The following RUFY2 variants were observed in gnomAD, a reference collection of about 807,000 sequenced individuals.
RUFY2 encodes the protein RUN and FYVE domain containing 2, also known as RUN and FYVE domain-containing protein 2.
In RUFY2, 49 loss-of-function variants were observed where a neutral mutation model predicts 94.4. That is an observed-to-expected ratio of 0.52 (90% CI 0.41 to 0.66). The LOEUF is 0.66. RUFY2 is among the 30% of genes least tolerant of loss of function. The pLI, the probability that RUFY2 is intolerant of heterozygous loss-of-function variation, is 0.00. For missense variants in RUFY2, 541 were observed against 692.8 expected, an observed-to-expected ratio of 0.78 and a Z score of 2.46; for synonymous variants, 255 against 235.7, an observed-to-expected ratio of 1.08 and a Z score of -0.75.
chr10:68,368,070 A>C (rs1244037947), intron 13 of RUFY2, among the ~76,000 whole-genome samples: 26 of 151,604 alleles, frequency 1.7e-4, no homozygotes, highest in Non-Finnish European at 4.4e-5. Flanking sequence ...GGTTCAAGTA[A>C]TTCTCCTGCC....
chr10:68,362,846 C>T (rs918172371), intron 15 of RUFY2, among the ~76,000 whole-genome samples: 14 of 151,998 alleles, frequency 9.2e-5, no homozygotes, highest in South Asian at 4.2e-4. Flanking sequence ...TTTACAGGAT[C>T]CCAGTGACAT....
intron 3 of RUFY2, among the ~76,000 whole-genome samples, chr10:68,400,493 G>A (rs977485439): frequency 3.3e-5 from 5 of 150,482 alleles, no homozygotes; most frequent in Non-Finnish European, 1.5e-5. Flanking sequence ...TGGCTAACAT[G>A]GTGAAACCCC....
intron 13 of RUFY2, among the ~76,000 whole-genome samples, chr10:68,368,830 T>C (rs1031705625): frequency 6.6e-6 from 1 of 152,078 alleles, no homozygotes; most frequent in African/African-American, 2.4e-5. Context: ...TAAATACTAA[T>C]GGGCATAGAC....
At chr10:68,378,284 T>C in intron 12 of RUFY2, 2 of 1,125,508 alleles carry the variant, frequency 1.8e-6, no homozygotes, top group Non-Finnish European at 2.2e-6. Flanking sequence ...CATCAAAAAG[T>C]AGCTAAAAAG....
intron 1 of RUFY2, 23 bp downstream of exon 1, chr10:68,407,163 C>G: frequency 6.8e-7 from 1 of 1,461,646 alleles, no homozygotes; most frequent in Non-Finnish European, 8.9e-7. Context: ...GCCTAGCGTT[C>G]GGTTTCGGCC....
intron 10 of RUFY2, among the ~76,000 whole-genome samples, chr10:68,382,591 A>G (rs1392927854): frequency 3.3e-5 from 5 of 150,962 alleles, no homozygotes; most frequent in Non-Finnish European, 7.4e-5. Context: ...GCGGGCGCCT[A>G]TAGTCCCAGC....
chr10:68,382,919 T>G (rs557799755), intron 10 of RUFY2, among the ~76,000 whole-genome samples: 24 of 152,322 alleles, frequency 1.6e-4, no homozygotes, highest in African/African-American at 5.8e-4. Flanking sequence ...AAGTTAATTT[T>G]AAATATGACT....
chr10:68,389,067 T>C (rs2132967338), intron 7 of RUFY2, among the ~76,000 whole-genome samples: 1 of 151,890 alleles, frequency 6.6e-6, no homozygotes, highest in African/African-American at 2.4e-5. Context: ...TAATTTTTTG[T>C]ACTGTTTTGG....
intron 16 of RUFY2, among the ~76,000 whole-genome samples, chr10:68,348,603 T>A (rs961336562): frequency 6.6e-6 from 1 of 151,978 alleles, no homozygotes; most frequent in South Asian, 2.1e-4. Flanking sequence ...CAAAGTGATT[T>A]GCCAAATGTC....
chr10:68,387,012 C>T (rs538691134), intron 7 of RUFY2, among the ~76,000 whole-genome samples: 2 of 152,234 alleles, frequency 1.3e-5, no homozygotes, highest in South Asian at 4.1e-4. Context: ...CAGATGAACA[C>T]ACTTTTTGCA....
chr10:68,386,252 A>T (rs1402186785), intron 7 of RUFY2, 124 bp from the exon 8 acceptor site: 2 of 609,986 alleles, frequency 3.3e-6, no homozygotes, highest in Admixed American at 6.8e-5. Flanking sequence ...CAAATTTCTG[A>T]GTGTGGAAAA....
Position 68,407,248 on chromosome 10 carries a change from T to A in RUFY2, c.-59A>T. ...TCCCTCGGCCTGTCCAGCAGCTCCT[T>A]CCAGGCGCTCGGCGGCCACCACCGC... On this transcript the variant is annotated 5_prime_UTR_variant, in exon 1 of 18. The change creates a premature stop within an existing upstream ORF in the 5' untranslated region. Transcript: ENST00000602465. The A allele has an allele frequency of 7.9e-7, 1 of 1,265,474 alleles. No individual in the cohort carries two copies. Among genetic ancestry groups the A allele is most frequent in the Non-Finnish European group, 1.0e-6 (1 of 1,001,348 alleles). The allele number at this position is 1,265,474 out of a possible 1,614,324, so 78.4% of individuals were successfully genotyped here. A position where few individuals can be genotyped will look rare whatever the true frequency, so the allele number is the denominator to read the frequency against.
At chr10:68,393,976 A>C (rs1472321461) in intron 6 of RUFY2, 99 bp downstream of exon 6, 2 of 1,427,474 alleles carry the variant, frequency 1.4e-6, no homozygotes, top group African/African-American at 2.9e-5. Flanking sequence ...GGGGGAAAAC[A>C]ACAAAATAAA....
At chr10:68,369,454 C>G (rs2048093995) in intron 13 of RUFY2, among the ~76,000 whole-genome samples, 1 of 145,856 alleles carries the variant, frequency 6.9e-6, no homozygotes. Flanking sequence ...CACTGCACTA[C>G]AGCCTGGGCA....
chr10:68,384,332 T>TA (rs1423042935), intron 8 of RUFY2, among the ~76,000 whole-genome samples, 180 bp from the exon 9 acceptor site: 1 of 152,202 alleles, frequency 6.6e-6, no homozygotes, highest in African/African-American at 2.4e-5. Flanking sequence ...ATACCAATTT[T>TA]AAAAATTATA....
intron 7 of RUFY2, among the ~76,000 whole-genome samples, chr10:68,388,669 T>C (rs2049722083): frequency 6.6e-6 from 1 of 151,630 alleles, no homozygotes; most frequent in Admixed American, 6.6e-5. Flanking sequence ...ACCCCAGCTC[T>C]ATGAAAAATA....
chr10:68,365,594 C>T (rs1361588819), intron 13 of RUFY2, among the ~76,000 whole-genome samples: 1 of 152,156 alleles, frequency 6.6e-6, no homozygotes, highest in Admixed American at 6.6e-5. Flanking sequence ...TTAGCTTACT[C>T]GTTTTTATCC....
rs181752474 is a variant in RUFY2, at chr10:68,377,774, C to T, written c.1206-802G>A. ...AATATTTTTATAAGAAAATATTTACCAAGATTCAAAGGATATTAACTCCTT... is the reference window on the plus strand; with the variant it reads ...AATATTTTTATAAGAAAATATTTACTAAGATTCAAAGGATATTAACTCCTT... On this transcript the variant is annotated intron_variant, in intron 12 of 17. Coordinates refer to ENST00000602465, the MANE Select transcript of RUFY2 (RefSeq NM_001330103.2). 9.1e-6 allele frequency: 9 copies of T among 984,232 alleles called. No individual in the cohort carries two copies. In the Admixed American group the frequency reaches 3.1e-4, roughly 34 times the overall value. The allele number at this position is 984,232 out of a possible 1,614,324, so 61.0% of individuals were successfully genotyped here.
intron 16 of RUFY2, among the ~76,000 whole-genome samples, 171 bp downstream of exon 16, chr10:68,355,182 T>C (rs1343673492): frequency 6.6e-6 from 1 of 152,144 alleles, no homozygotes; most frequent in East Asian, 1.9e-4. Flanking sequence ...TTATTAATAA[T>C]GTGACTCTAG....
Sources: allele counts gnomAD v4.1 joint callset (sites outside exome capture counted in the v4.1 genomes callset), GRCh38; gene constraint gnomAD v4.1.1; transcripts MANE v1.5; gene names NCBI Gene and HGNC (gene_info 2026-07-23, HGNC 2026-07-21).